TENM4: variants seen among roughly 807,000 people sequenced by gnomAD.
The protein encoded by TENM4 is teneurin transmembrane protein 4.
In TENM4, 82 loss-of-function variants were observed where a neutral mutation model predicts 243.3. The ratio of observed to expected loss-of-function variants is 0.34; its 90% CI spans 0.28 to 0.40. TENM4 has a LOEUF of 0.40. TENM4 is among the 10% of genes least tolerant of loss of function. The probability of loss-of-function intolerance (pLI) is 1.00; values close to 1 mark genes in which losing one functional copy is unlikely to be tolerated. For synonymous variants in TENM4, 1,412 were observed against 1,456.3 expected (o/e 0.97, Z 0.69); for missense variants, 3,138 against 3,673.3 (o/e 0.85, Z 3.77).
intron 4 of TENM4, among the ~76,000 whole-genome samples, chr11:79,135,428 G>A (rs560182208): frequency 6.6e-6 from 1 of 152,158 alleles, no homozygotes; most frequent in African/African-American, 2.4e-5. Flanking sequence ...CAGCCACTAT[G>A]GAAAACAGTG....
At chr11:79,238,127 T>G (rs1374335221) in intron 2 of TENM4, among the ~76,000 whole-genome samples, 2 of 152,236 alleles carry the variant, frequency 1.3e-5, no homozygotes, top group African/African-American at 2.4e-5. Context: ...CAGATTAATA[T>G]GCACTCACGG....
At chr11:79,265,786 G>A (rs1252471826) in intron 2 of TENM4, among the ~76,000 whole-genome samples, 1 of 152,060 alleles carries the variant, frequency 6.6e-6, no homozygotes, top group Non-Finnish European at 1.5e-5. Flanking sequence ...CAGGGCTTTG[G>A]ATTAAAAACC....
rs193226155 is a variant in TENM4 at position 78,932,316 on chromosome 11, C to T, written c.494-28793G>A. On this transcript the variant is annotated intron_variant, in intron 6 of 33. Transcript: ENST00000278550. ...GCCCTATGAGATGATGGGCTAATTC[C>T]CCATGACAGGAGTTCTGCACATCAG... Among the ~76,000 whole-genome samples, 6 of 152,282 alleles carry T rather than the reference C, an allele frequency of 3.9e-5. No individual in the cohort carries two copies. In the East Asian group the frequency reaches 1.2e-3, roughly 29 times the overall value.
chr11:79,053,983 A>C (rs1178486938), intron 6 of TENM4, among the ~76,000 whole-genome samples: 1 of 152,162 alleles, frequency 6.6e-6, no homozygotes, highest in Non-Finnish European at 1.5e-5. Context: ...TGCTAGTTTC[A>C]TGTTGTGCCC....
Position 78,701,844 on chromosome 11 carries a change from T to C in TENM4, c.4769A>G (p.Asp1590Gly). 1 of 1,613,988 alleles carries C rather than the reference T, an allele frequency of 6.2e-7. No homozygotes were observed. The highest frequency in any genetic ancestry group is 8.5e-7 in the Non-Finnish European group (1 of 1,179,890). The part of the protein sequence containing the change: ...SPIDQELYLF[D>G]TTGKHLYTQS... ...GGTGTACAGGTGCTTGCCGGTGGTA[T>C]CAAACAGATAGAGCTCCTGGTCAAT... Residue 1590 changes from aspartate to glycine, a missense_variant, in exon 28 of 34, where the codon GAT (aspartate) becomes GGT (glycine). By Grantham distance (94) the Asp-to-Gly change is moderately conservative. Transcript: ENST00000278550.
chr11:78,747,021 T>A (rs1354549548), intron 19 of TENM4, among the ~76,000 whole-genome samples: 1 of 152,164 alleles, frequency 6.6e-6, no homozygotes, highest in East Asian at 1.9e-4. Context: ...GGGAAGGGGC[T>A]GATGCCAGGC....
At chr11:78,687,652 C>T (rs1023955157) in intron 29 of TENM4, among the ~76,000 whole-genome samples, 1 of 152,172 alleles carries the variant, frequency 6.6e-6, no homozygotes, top group African/African-American at 2.4e-5. Flanking sequence ...AACCTTCTCA[C>T]CTGGGCTTCA....
chr11:79,072,658 T>C (rs2137008370), intron 4 of TENM4, among the ~76,000 whole-genome samples: 1 of 152,340 alleles, frequency 6.6e-6, no homozygotes, highest in Admixed American at 6.5e-5. Flanking sequence ...TTTTAAAAAA[T>C]GACTGATTAT....
chr11:79,319,262 C>T (rs1290252812), intron 1 of TENM4, among the ~76,000 whole-genome samples: 4 of 152,216 alleles, frequency 2.6e-5, no homozygotes, highest in Middle Eastern at 6.8e-3. Context: ...TGCAGTATAG[C>T]TACTGGTTCA....
chr11:79,322,571 T>C (rs553097686), intron 1 of TENM4, among the ~76,000 whole-genome samples: 1 of 152,186 alleles, frequency 6.6e-6, no homozygotes, highest in South Asian at 2.1e-4. Context: ...TAAAAGGAAT[T>C]CTACACTCTC....
At chr11:78,933,640 C>T (rs947052412) in intron 6 of TENM4, among the ~76,000 whole-genome samples, 1 of 152,152 alleles carries the variant, frequency 6.6e-6, no homozygotes, top group East Asian at 1.9e-4. Flanking sequence ...TGCTAAGTTT[C>T]AATCTCAGAA....
chr11:78,703,472 C>T (rs1421707870), intron 27 of TENM4, among the ~76,000 whole-genome samples: 1 of 152,096 alleles, frequency 6.6e-6, no homozygotes, highest in Non-Finnish European at 1.5e-5. Flanking sequence ...AGTGCTGGGC[C>T]CCATGTGGAA....
At chr11:79,396,528 T>C (rs1308868566) in intron 1 of TENM4, among the ~76,000 whole-genome samples, 1 of 152,214 alleles carries the variant, frequency 6.6e-6, no homozygotes. Flanking sequence ...TCTGCCTTCC[T>C]GGCTCCCAAA....
intron 12 of TENM4, among the ~76,000 whole-genome samples, chr11:78,824,419 AG>A (rs1857804598): frequency 6.6e-6 from 1 of 152,136 alleles, no homozygotes; most frequent in East Asian, 1.9e-4. Flanking sequence ...GACAGTACCG[AG>A]GGGGATAGTA....
rs556565924 is a variant in TENM4 at position 79,259,989 on chromosome 11, G to A, written c.-265+37499C>T. 5.3e-5 allele frequency among the ~76,000 whole-genome samples: 8 copies of A among 152,316 alleles called. No homozygotes were observed. The South Asian group carries it at 1.7e-3, about 32-fold the overall frequency. The stretch of plus-strand genomic sequence containing the variant: ...GGAAACTGTTAATAATCAACTTAGT[G>A]GGATACAGTGAGCACTGCCACCTGG... On this transcript the variant is annotated intron_variant, in intron 2 of 33. Transcript: ENST00000278550.
At chr11:79,339,102 G>A (rs961429929) in intron 1 of TENM4, among the ~76,000 whole-genome samples, 9 of 152,218 alleles carry the variant, frequency 5.9e-5, no homozygotes, top group African/African-American at 2.2e-4. Flanking sequence ...GGTTTTCCCT[G>A]TACTCCAACT....
chr11:79,227,686 G>GTT (rs1217808796), intron 2 of TENM4, among the ~76,000 whole-genome samples: 2 of 152,104 alleles, frequency 1.3e-5, no homozygotes, highest in Non-Finnish European at 2.9e-5. Context: ...CAGCTTGCAT[G>GTT]GGACTTTTTT....
intron 2 of TENM4, among the ~76,000 whole-genome samples, chr11:79,241,293 A>C (rs1864584143): frequency 6.6e-6 from 1 of 152,042 alleles, no homozygotes; most frequent in East Asian, 1.9e-4. Context: ...GAGAAACCTA[A>C]AAGGAGGAAG....
intron 6 of TENM4, among the ~76,000 whole-genome samples, chr11:79,058,371 G>A (rs1859994283): frequency 6.6e-6 from 1 of 151,928 alleles, no homozygotes; most frequent in South Asian, 2.1e-4. Context: ...GTGAAACCCT[G>A]TCTCTACTAA....
Sources: allele counts gnomAD v4.1 joint callset (sites outside exome capture counted in the v4.1 genomes callset), GRCh38; gene constraint gnomAD v4.1.1; transcripts MANE v1.5; gene names NCBI Gene and HGNC (gene_info 2026-07-23, HGNC 2026-07-21).